Variants in FARP2 observed in about 807,000 individuals in gnomAD.
FARP2 encodes FERM, ARH/RhoGEF and pleckstrin domain protein 2, also known as FERM, ARHGEF and pleckstrin domain-containing protein 2.
In FARP2, 111 loss-of-function variants were observed where a neutral mutation model predicts 130.5. The ratio of observed to expected loss-of-function variants is 0.85; its 90% CI spans 0.73 to 1.00. The LOEUF (loss-of-function observed/expected upper bound fraction) is 1.00, where lower values mean the gene tolerates loss of function less well. Ranked by LOEUF, FARP2 falls within the 50% of genes least tolerant of loss-of-function variation. FARP2 has a pLI of 0.00. For synonymous variants in FARP2, 504 were observed against 516.9 expected (o/e 0.98, Z 0.34); for missense variants, 1,385 against 1,346.3 (o/e 1.03, Z -0.45).
intron 5 of FARP2, among the ~76,000 whole-genome samples, chr2:241,408,197 C>G (rs1215169264): frequency 6.6e-6 from 1 of 152,002 alleles, no homozygotes; most frequent in East Asian, 1.9e-4. Context: ...GTTTTGAAAC[C>G]CCGTCTCCAC....
chr2:241,408,737 T>G (rs981175712), intron 5 of FARP2, among the ~76,000 whole-genome samples: 3 of 152,192 alleles, frequency 2.0e-5, no homozygotes, highest in African/African-American at 7.2e-5. Flanking sequence ...ATCAATAACT[T>G]TTTTGCCTTC....
Position 241,457,045 on chromosome 2 carries a change from C to T in FARP2, c.1587+123C>T, listed in dbSNP as rs554397430. The T allele has an allele frequency of 5.0e-4, 420 of 844,878 alleles. 1 individual carries two copies. The highest frequency in any genetic ancestry group is 1.9e-3 in the Middle Eastern group (5 of 2,686). 52.3% of individuals were successfully genotyped at this position (844,878 alleles called of 1,614,324 possible). Reference sequence around the variant, plus strand: ...CAGGGAAGGGCTCTGCACTCACAGCCGCCTTACCAGCCTCCTGAGCAGAGA... The same window carrying T: ...CAGGGAAGGGCTCTGCACTCACAGCTGCCTTACCAGCCTCCTGAGCAGAGA... On this transcript the variant is annotated intron_variant, in intron 14 of 26. Transcript: ENST00000264042.
At position 241,373,062 on chromosome 2, in the gene FARP2, GTTTT is replaced by G; in HGVS notation, c.-24-12_-24-9del. 1 of 927,896 alleles carries G rather than the reference GTTTT, an allele frequency of 1.1e-6. No individual in the cohort carries two copies. Among genetic ancestry groups the G allele is most frequent in the Non-Finnish European group, 1.4e-6 (1 of 690,182 alleles). The allele number at this position is 927,896 out of a possible 1,614,324, so 57.5% of individuals were successfully genotyped here. ...AATAATGTGATAATTCCTTCATGTG[GTTTT>G]TTTTTTTTTCATTTTAGTGTTTTCT... On this transcript the variant is annotated intron_variant, in intron 1 of 26. Coordinates refer to ENST00000264042, the MANE Select transcript of FARP2 (RefSeq NM_014808.4).
Position 241,413,322 on chromosome 2 carries a change from A to G in FARP2, c.524A>G (p.Tyr175Cys), listed in dbSNP as rs775489798. 3 of 1,607,814 alleles carry G rather than the reference A, an allele frequency of 1.9e-6. No homozygotes were observed. The East Asian group carries it at 6.7e-5, about 36-fold the overall frequency. ...SHLLQSEIGD[Y>C]DETLDREHLK... ...CCTATCTCAGCGGAAATAGGAGATT[A>G]CGATGAAACGCTGGACCGAGAGCAC... is the stretch of plus-strand genomic sequence containing the variant. Residue 175 changes from tyrosine to cysteine, a missense_variant, in exon 7 of 27, where the codon TAC (tyrosine) becomes TGC (cysteine). Coordinates refer to ENST00000264042, the MANE Select transcript of FARP2 (RefSeq NM_014808.4).
chr2:241,430,752 C>T (rs544907397), intron 8 of FARP2, among the ~76,000 whole-genome samples: 142 of 152,268 alleles, frequency 9.3e-4, no homozygotes, highest in Non-Finnish European at 1.6e-3. Context: ...TGCCTGTAAT[C>T]CCAGCACTTT....
At chr2:241,397,861 G>T (rs1362929805) in intron 2 of FARP2, among the ~76,000 whole-genome samples, 1 of 128,534 alleles carries the variant, frequency 7.8e-6, no homozygotes, top group Admixed American at 1.0e-4. Context: ...AGACAGTCTC[G>T]CTCTGTCGCC....
chr2:241,438,722 C>T (rs960945402), intron 12 of FARP2, among the ~76,000 whole-genome samples: 11 of 151,350 alleles, frequency 7.3e-5, no homozygotes, highest in Admixed American at 5.9e-4. Flanking sequence ...CTCCGCCTCC[C>T]GGGTTCACGC....
At chr2:241,491,894 T>TGAA (rs1385938849) in intron 24 of FARP2, among the ~76,000 whole-genome samples, 3 of 152,144 alleles carry the variant, frequency 2.0e-5, no homozygotes, top group African/African-American at 7.2e-5. Flanking sequence ...TGGTGTCTGA[T>TGAA]GAAGTCCAGC....
At chr2:241,366,127 A>ATATATACACATATATATATATACG (rs1559702210) in intron 1 of FARP2, among the ~76,000 whole-genome samples, 9 of 136,470 alleles carry the variant, frequency 6.6e-5, no homozygotes, top group African/African-American at 2.2e-4. Context: ...ATATACGTAT[A>ATATATACACATATATATATATACG]TATATATATA....
In FARP2 at chr2:241,404,670, G is replaced by T. The variant is rs3771560; in HGVS notation, c.289-129G>T. ...TTTATCAGGATTCAACCTTTAAGAGGGGGGGTAGAGTCAAAATTTTCCTGA... is the reference window on the plus strand; with the variant it reads ...TTTATCAGGATTCAACCTTTAAGAGTGGGGGTAGAGTCAAAATTTTCCTGA... On this transcript the variant is annotated intron_variant, in intron 3 of 26. Coordinates refer to ENST00000264042, the MANE Select transcript of FARP2 (RefSeq NM_014808.4). 5.3e-5 allele frequency: 34 copies of T among 638,598 alleles called. No homozygotes were observed. In the Admixed American group the frequency reaches 8.3e-4, roughly 16 times the overall value. 39.6% of individuals were successfully genotyped at this position (638,598 alleles called of 1,614,324 possible). A position where few individuals can be genotyped will look rare whatever the true frequency, so the allele number is the denominator to read the frequency against.
chr2:241,437,507 C>G (rs1286646359), intron 12 of FARP2, among the ~76,000 whole-genome samples: 1 of 151,962 alleles, frequency 6.6e-6, no homozygotes, highest in African/African-American at 2.4e-5. Flanking sequence ...ACTCTCTTGC[C>G]CAGGCTGGAG....
intron 13 of FARP2, chr2:241,442,660 T>A (rs1422992811): frequency 1.2e-5 from 4 of 342,660 alleles, no homozygotes; most frequent in Non-Finnish European, 2.3e-5. Flanking sequence ...TTTTTTTAAT[T>A]TCCTGATTTA....
chr2:241,427,924 G>A (rs565336000), intron 8 of FARP2, among the ~76,000 whole-genome samples: 2 of 152,096 alleles, frequency 1.3e-5, no homozygotes, highest in South Asian at 2.1e-4. Context: ...CTGCCACCAC[G>A]TCTGGCTAAT....
chr2:241,455,437 A>G lies in FARP2; in HGVS notation c.1412-1310A>G, dbSNP rs573016554. Among the ~76,000 whole-genome samples, 562 of 152,260 alleles carry G rather than the reference A, an allele frequency of 3.7e-3. 2 individuals are homozygous for G. Among genetic ancestry groups the G allele is most frequent in the Non-Finnish European group, 5.0e-3 (341 of 68,022 alleles). On this transcript the variant is annotated intron_variant, in intron 13 of 26. Coordinates refer to ENST00000264042, the MANE Select transcript of FARP2 (RefSeq NM_014808.4). ...CTCTTGTTGCCCAGGCTGGAGGGCA[A>G]TGGTACAACCTCAGCTCACTGCAAC...
chr2:241,484,774 A>G (rs1406787130), intron 21 of FARP2, among the ~76,000 whole-genome samples: 1 of 152,206 alleles, frequency 6.6e-6, no homozygotes, highest in African/African-American at 2.4e-5. Context: ...CAGTTCATCA[A>G]CTTTGTCCTT....
At chr2:241,401,871 C>T (rs886666340) in intron 2 of FARP2, among the ~76,000 whole-genome samples, 19 of 151,912 alleles carry the variant, frequency 1.3e-4, no homozygotes, top group Admixed American at 3.3e-4. Flanking sequence ...CTTACTGCAA[C>T]ATCCGCCTCC....
intron 2 of FARP2, among the ~76,000 whole-genome samples, chr2:241,384,353 G>A (rs1207426353): frequency 6.6e-6 from 1 of 152,056 alleles, no homozygotes; most frequent in Non-Finnish European, 1.5e-5. Context: ...CAGTGGTAGA[G>A]GGGATCCCAG....
chr2:241,361,355 G>A (rs776159258), intron 1 of FARP2, among the ~76,000 whole-genome samples: 2 of 152,142 alleles, frequency 1.3e-5, no homozygotes, highest in Non-Finnish European at 2.9e-5. Context: ...AATCACCTAG[G>A]TTTGCATAGT....
chr2:241,417,888 G>C, intron 7 of FARP2, 74 bp from the exon 8 acceptor site: 1 of 1,506,578 alleles, frequency 6.6e-7, no homozygotes. Flanking sequence ...TTTCCTGATC[G>C]CTTCTATAAT....
Sources: allele counts gnomAD v4.1 joint callset (sites outside exome capture counted in the v4.1 genomes callset), GRCh38; gene constraint gnomAD v4.1.1; transcripts MANE v1.5; gene names NCBI Gene and HGNC (gene_info 2026-07-23, HGNC 2026-07-21).